BTBD18: variants seen among roughly 807,000 people sequenced by gnomAD.
BTBD18 encodes BTB domain containing 18.
For missense variants in BTBD18, 787 were observed against 846.3 expected, an observed-to-expected ratio of 0.93 and a Z score of 0.87; for synonymous variants, 311 against 324.4, an observed-to-expected ratio of 0.96 and a Z score of 0.44.
At position 57,745,513 on chromosome 11, in the gene BTBD18, C is replaced by T. The variant is rs1426195047; in HGVS notation, c.760G>A (p.Val254Met). The T allele has an allele frequency of 6.5e-6, 10 of 1,549,610 alleles. No individual in the cohort carries two copies. The South Asian group carries it at 7.1e-5, about 11-fold the overall frequency. ...VLSPPSLYPS[V>M]DKHLLPRKIR... ...TTTCTGGGCAACAGGTGTTTGTCCA[C>T]AGAGGGGTACAAGCTGGGTGGGGAG... The change falls in exon 3 of 3, where the codon GTG becomes ATG. Residue 254 changes from valine (V) to methionine (M), a missense_variant. By Grantham distance (21) the Val-to-Met change is conservative (BLOSUM62 1). Coordinates refer to ENST00000422652, the MANE Select transcript of BTBD18 (RefSeq NM_001145101.3).
rs1949164995 is a variant in BTBD18 at position 57,745,147 on chromosome 11, G to A, written c.1126C>T (p.Pro376Ser). Residue 376 changes from proline to serine, a missense_variant, in exon 3 of 3, where the codon CCT becomes TCT. Coordinates refer to ENST00000422652, the MANE Select transcript of BTBD18 (RefSeq NM_001145101.3). Reference protein sequence around the residue: ...GTCWEVVQETPLKNTQDSPQI... With the variant: ...GTCWEVVQETSLKNTQDSPQI... ...GGGCTATCTTGAGTGTTTTTGAGAG[G>A]AGTCTCTTGTACCACTTCCCAGCAA... 6.4e-7 allele frequency: 1 copy of A among 1,551,638 alleles called. No individual in the cohort carries two copies. Among genetic ancestry groups the A allele is most frequent in the Admixed American group, 2.0e-5 (1 of 51,006 alleles).
rs981023007 is a variant in BTBD18 at position 57,746,026 on chromosome 11, T to C, written c.247A>G (p.Ile83Val). 3 of 1,551,544 alleles carry C rather than the reference T, an allele frequency of 1.9e-6. No homozygotes were observed. The African/African-American group carries it at 4.1e-5, about 21-fold the overall frequency. Residue 83 changes from isoleucine to valine, a missense_variant, in exon 3 of 3, where the codon ATC becomes GTC. Coordinates refer to ENST00000422652, the MANE Select transcript of BTBD18 (RefSeq NM_001145101.3). Reference sequence around the variant, plus strand: ...TCCACCAGCTTCCTAAGTGTGCTGATCTTCAGGCCACCCAGCTCTAGCACC... The same window carrying C: ...TCCACCAGCTTCCTAAGTGTGCTGACCTTCAGGCCACCCAGCTCTAGCACC... ...KVVLELGGLK[I>V]STLRKLVDFL...
chr11:57,744,294 C>T lies in BTBD18; in HGVS notation c.1979G>A (p.Gly660Asp), dbSNP rs1410040064. 2 of 1,551,528 alleles carry T rather than the reference C, an allele frequency of 1.3e-6. No homozygotes were observed. The highest frequency in any genetic ancestry group is 1.7e-6 in the Non-Finnish European group (2 of 1,146,970). ...PSPKAGKEVS[G>D]HSELLGSLPA... ...AAGTGAGCCTAGTAGTTCAGAGTGA[C>T]CAGATACCTCCTTGCCTGCCTTGGG... The change falls in exon 3 of 3, where the codon GGT becomes GAT. Residue 660 changes from glycine (G) to aspartate (D), a missense_variant. Gly to Asp is a moderately conservative substitution (Grantham distance 94). Coordinates refer to ENST00000422652, the MANE Select transcript of BTBD18 (RefSeq NM_001145101.3).
intron 2 of BTBD18, among the ~76,000 whole-genome samples, chr11:57,747,365 T>C (rs564037297): frequency 4.9e-4 from 75 of 152,328 alleles, no homozygotes; most frequent in African/African-American, 1.7e-3. Flanking sequence ...AATGAACTTA[T>C]TCCCCACCCC....
chr11:57,749,347 C>T (rs1949254124), intron 2 of BTBD18, among the ~76,000 whole-genome samples: 1 of 152,210 alleles, frequency 6.6e-6, no homozygotes, highest in Non-Finnish European at 1.5e-5. Flanking sequence ...CTCAACTCTG[C>T]ACTTACTAAG....
Position 57,745,746 on chromosome 11 carries a change from A to C in BTBD18, c.527T>G (p.Leu176Arg). 6.4e-7 allele frequency: 1 copy of C among 1,551,602 alleles called. No individual in the cohort carries two copies. The highest frequency in any genetic ancestry group is 8.7e-7 in the Non-Finnish European group (1 of 1,146,980). The part of the protein sequence containing the change: ...PLPTNQTPCP[L>R]GAIRLKSLGK... ...CAAGGACTTCAATCTTATTGCCCCA[A>C]GAGGACAAGGAGTTTGATTAGTGGG... The change falls in exon 3 of 3, where the codon CTT becomes CGT. Residue 176 changes from leucine (L) to arginine (R), a missense_variant. Transcript: ENST00000422652.
At position 57,744,017 on chromosome 11, in the gene BTBD18, G is replaced by T; in HGVS notation, c.*117C>A. On this transcript the variant is annotated 3_prime_UTR_variant, in exon 3 of 3. Coordinates refer to ENST00000422652, the MANE Select transcript of BTBD18 (RefSeq NM_001145101.3). ...GAAGGGAGGAAGGGACCTACAAAGA[G>T]CCAGGGTACACCTGCCTCTTGTGCT... 1.4e-6 allele frequency: 1 copy of T among 718,750 alleles called. No homozygotes were observed. The highest frequency in any genetic ancestry group is 2.3e-6 in the Non-Finnish European group (1 of 438,402). 44.5% of individuals were successfully genotyped at this position (718,750 alleles called of 1,614,324 possible). A position where few individuals can be genotyped will look rare whatever the true frequency, so the allele number is the denominator to read the frequency against.
At chr11:57,748,070 G>A (rs1447456760) in intron 2 of BTBD18, among the ~76,000 whole-genome samples, 1 of 152,238 alleles carries the variant, frequency 6.6e-6, no homozygotes, top group Admixed American at 6.5e-5. Flanking sequence ...CCAAAGTGCT[G>A]GGATTGCAAC....
At chr11:57,748,574 AAAG>A (rs966785407) in intron 2 of BTBD18, among the ~76,000 whole-genome samples, 1 of 151,528 alleles carries the variant, frequency 6.6e-6, no homozygotes, top group African/African-American at 2.4e-5. Flanking sequence ...GAAAAAAAAA[AAAG>A]AATTTGAGCC....
At chr11:57,752,643 A>C (rs943755038), upstream of BTBD18, among the ~76,000 whole-genome samples, 1 of 152,190 alleles carries the variant, frequency 6.6e-6, no homozygotes, top group Admixed American at 6.5e-5. Flanking sequence ...CTCCAGACCC[A>C]ACTTGAAATA....
At chr11:57,747,347 T>C (rs890310249) in intron 2 of BTBD18, among the ~76,000 whole-genome samples, 1 of 152,136 alleles carries the variant, frequency 6.6e-6, no homozygotes, top group Admixed American at 6.5e-5. Context: ...AATGCAACTT[T>C]TCCAGAAAAT....
chr11:57,749,131 C>CT (rs2135699597), intron 2 of BTBD18, among the ~76,000 whole-genome samples: 1 of 152,224 alleles, frequency 6.6e-6, no homozygotes, highest in East Asian at 1.9e-4. Flanking sequence ...AAGGATGTTT[C>CT]TTTTTTATCC....
Position 57,745,589 on chromosome 11 carries a change from A to T in BTBD18, c.684T>A (p.Ser228Arg), listed in dbSNP as rs1949173891. 1 of 1,551,538 alleles carries T rather than the reference A, an allele frequency of 6.4e-7. No homozygotes were observed. Among genetic ancestry groups the T allele is most frequent in the Non-Finnish European group, 8.7e-7 (1 of 1,146,986 alleles). ...QEKNSSPSSH[S>R]QEPRENKNDT... ...CATTCTTGTTCTCTCTAGGCTCTTGACTATGGCTTGATGGTGAAGAGTTTT... is the reference window on the plus strand; with the variant it reads ...CATTCTTGTTCTCTCTAGGCTCTTGTCTATGGCTTGATGGTGAAGAGTTTT... The change falls in exon 3 of 3, where the codon AGT becomes AGA. Residue 228 changes from serine (S) to arginine (R), a missense_variant. Coordinates refer to ENST00000422652, the MANE Select transcript of BTBD18 (RefSeq NM_001145101.3).
chr11:57,746,752 C>CT (rs954463988), intron 2 of BTBD18, among the ~76,000 whole-genome samples: 2 of 139,948 alleles, frequency 1.4e-5, no homozygotes, highest in African/African-American at 5.3e-5. Context: ...AGGAGAATTG[C>CT]TTGAGTCCAG....
chr11:57,745,070 T>G lies in BTBD18; in HGVS notation c.1203A>C (p.Pro401=). 6.4e-7 allele frequency: 1 copy of G among 1,551,714 alleles called. No individual in the cohort carries two copies. Among genetic ancestry groups the G allele is most frequent in the Non-Finnish European group, 8.7e-7 (1 of 1,146,984 alleles). ...GDFQEPSGTQ[P]FSSNEQEMSP... is the part of the protein sequence containing the mutation. ...ACATTTCCTGCTCATTACTGGAGAA[T>G]GGCTGAGTTCCTGAAGGCTCTTGGA... The change falls in exon 3 of 3, where the codon CCA becomes CCC. Residue 401 remains proline (P), a synonymous_variant. Transcript: ENST00000422652.
At position 57,746,746 on chromosome 11, in the gene BTBD18, G is replaced by T. The variant is rs1215102371; in HGVS notation, c.125-598C>A. Among the ~76,000 whole-genome samples the T allele has an allele frequency of 2.9e-5, 4 of 139,884 alleles. No homozygotes were observed. In the South Asian group the frequency reaches 9.3e-4, roughly 33 times the overall value. 91.8% of individuals were successfully genotyped at this position (139,884 alleles called of 152,430 possible). On this transcript the variant is annotated intron_variant, in intron 2 of 2. Coordinates refer to ENST00000422652, the MANE Select transcript of BTBD18 (RefSeq NM_001145101.3). The stretch of plus-strand genomic sequence containing the variant: ...AACTGTTAGGTAGGCTGAAGCAGGA[G>T]AATTGCTTGAGTCCAGGGCTTTGAG...
At chr11:57,749,119 T>C (rs962709209) in intron 2 of BTBD18, among the ~76,000 whole-genome samples, 1 of 152,216 alleles carries the variant, frequency 6.6e-6, no homozygotes, top group Admixed American at 6.5e-5. Flanking sequence ...CTCAAGTCTG[T>C]GAAGGATGTT....
chr11:57,745,371 C>A lies in BTBD18; in HGVS notation c.902G>T (p.Arg301Met). Residue 301 changes from arginine to methionine, a missense_variant, in exon 3 of 3, where the codon AGG becomes ATG. Transcript: ENST00000422652. ...CTCTGGTGTTTCTTTATTTACACTC[C>A]TCTGCCGCCAAAGACGCCGGCCAGG... The part of the protein sequence containing the change: ...ATPGRRLWRQ[R>M]SVNKETPEDK... 2 of 1,551,702 alleles carry A rather than the reference C, an allele frequency of 1.3e-6. No homozygotes were observed. Among genetic ancestry groups the A allele is most frequent in the Non-Finnish European group, 1.7e-6 (2 of 1,146,994 alleles).
At chr11:57,747,851 G>A (rs911373094) in intron 2 of BTBD18, among the ~76,000 whole-genome samples, 2 of 152,202 alleles carry the variant, frequency 1.3e-5, no homozygotes, top group South Asian at 2.1e-4. Flanking sequence ...CCAGGCTGGA[G>A]CACAGTGACA....
Sources: allele counts gnomAD v4.1 joint callset (sites outside exome capture counted in the v4.1 genomes callset), GRCh38; gene constraint gnomAD v4.1.1; transcripts MANE v1.5; gene names NCBI Gene and HGNC (gene_info 2026-07-23, HGNC 2026-07-21).